Variants in PLPPR5 observed in about 807,000 individuals in gnomAD.
The protein encoded by PLPPR5 is phospholipid phosphatase-related protein type 5.
In PLPPR5, 16 loss-of-function variants were observed where a neutral mutation model predicts 33.9. The observed-to-expected ratio is 0.47, with a 90% CI of 0.32 to 0.72. PLPPR5 has a LOEUF of 0.72. Ranked by LOEUF, PLPPR5 falls within the 30% of genes least tolerant of loss-of-function variation. PLPPR5 has a pLI of 0.03. For missense variants in PLPPR5, 301 were observed against 406.7 expected, an observed-to-expected ratio of 0.74 and a Z score of 2.23; for synonymous variants, 163 against 150.3, an observed-to-expected ratio of 1.08 and a Z score of -0.62.
intron 1 of PLPPR5, among the ~76,000 whole-genome samples, chr1:98,956,989 T>G (rs1038273201): frequency 6.6e-6 from 1 of 151,946 alleles, no homozygotes; most frequent in Non-Finnish European, 1.5e-5. Flanking sequence ...ATATACACCA[T>G]GGAATACTAT....
chr1:98,999,923 G>A (rs924059359), intron 1 of PLPPR5, among the ~76,000 whole-genome samples: 3 of 152,162 alleles, frequency 2.0e-5, no homozygotes, highest in Non-Finnish European at 4.4e-5. Flanking sequence ...CTTGGTTGGT[G>A]CTGGTTTTCT....
rs1169428867 is a variant in PLPPR5 at position 98,891,746 on chromosome 1, A to G, written c.*1326T>C. ...GTTCATTCTTAAAACATAAACATTTAAAATACAGCAGAGCTTTCATATTTG... is the reference window on the plus strand; with the variant it reads ...GTTCATTCTTAAAACATAAACATTTGAAATACAGCAGAGCTTTCATATTTG... On this transcript the variant is annotated 3_prime_UTR_variant, in exon 6 of 6. Transcript: ENST00000263177. 6.6e-6 allele frequency: 1 copy of G among 152,144 alleles called. No homozygotes were observed. The highest frequency in any genetic ancestry group is 1.5e-5 in the Non-Finnish European group (1 of 68,020). 9.4% of individuals were successfully genotyped at this position (152,144 alleles called of 1,614,324 possible). A position where few individuals can be genotyped will look rare whatever the true frequency, so the allele number is the denominator to read the frequency against.
intron 4 of PLPPR5, among the ~76,000 whole-genome samples, chr1:98,917,887 G>A (rs998763235): frequency 6.6e-6 from 1 of 152,046 alleles, no homozygotes; most frequent in African/African-American, 2.4e-5. Flanking sequence ...TCACAGTGAG[G>A]GATCAGATTA....
At chr1:98,932,988 A>G (rs943083676) in intron 3 of PLPPR5, among the ~76,000 whole-genome samples, 4 of 152,136 alleles carry the variant, frequency 2.6e-5, no homozygotes, top group African/African-American at 7.2e-5. Context: ...GGGTAATATG[A>G]TCTATGTACC....
chr1:98,938,420 CAAA>C (rs544492984), intron 3 of PLPPR5, among the ~76,000 whole-genome samples: 2 of 80,758 alleles, frequency 2.5e-5, no homozygotes, highest in Non-Finnish European at 2.8e-5. Flanking sequence ...AAGATCGTCT[CAAA>C]AAAAAAAAAA....
At chr1:98,982,382 C>T (rs1376697137) in intron 1 of PLPPR5, among the ~76,000 whole-genome samples, 4 of 151,982 alleles carry the variant, frequency 2.6e-5, no homozygotes, top group Non-Finnish European at 5.9e-5. Context: ...TCTGACCTTC[C>T]AAGAAATCAG....
chr1:98,946,206 A>G (rs1247467179), intron 3 of PLPPR5, among the ~76,000 whole-genome samples: 1 of 152,052 alleles, frequency 6.6e-6, no homozygotes, highest in Admixed American at 6.6e-5. Flanking sequence ...TTCAATTTTA[A>G]TTCTCTCTTT....
intron 3 of PLPPR5, among the ~76,000 whole-genome samples, chr1:98,922,357 T>C (rs1246726453): frequency 2.0e-5 from 3 of 152,220 alleles, no homozygotes; most frequent in Non-Finnish European, 2.9e-5. Context: ...CTTTTTTTCT[T>C]TTTATTCTTA....
intron 1 of PLPPR5, among the ~76,000 whole-genome samples, chr1:98,967,581 T>C (rs190569691): frequency 6.6e-6 from 1 of 152,060 alleles, no homozygotes; most frequent in Admixed American, 6.6e-5. Context: ...CCAATCTTTT[T>C]CAGCCTCTTA....
At chr1:98,939,007 A>G (rs188376800) in intron 3 of PLPPR5, among the ~76,000 whole-genome samples, 1 of 152,252 alleles carries the variant, frequency 6.6e-6, no homozygotes, top group African/African-American at 2.4e-5. Context: ...GAAGATCAGG[A>G]AAAACAACTA....
chr1:98,895,509 G>T (rs1269296242), intron 5 of PLPPR5, among the ~76,000 whole-genome samples: 1 of 151,956 alleles, frequency 6.6e-6, no homozygotes, highest in Non-Finnish European at 1.5e-5. Flanking sequence ...CTGGAATTCA[G>T]TCTTGGCATT....
intron 1 of PLPPR5, among the ~76,000 whole-genome samples, chr1:98,957,389 T>C (rs1359159008): frequency 6.6e-6 from 1 of 151,546 alleles, no homozygotes; most frequent in Non-Finnish European, 1.5e-5. Context: ...TAGACAACAT[T>C]TTTGTTTCCT....
intron 3 of PLPPR5, among the ~76,000 whole-genome samples, chr1:98,929,245 T>C (rs984314374): frequency 2.6e-5 from 4 of 152,242 alleles, no homozygotes; most frequent in African/African-American, 7.2e-5. Flanking sequence ...GTAAGTTTCA[T>C]TGCCGTCACA....
At chr1:98,969,035 G>A (rs1318359355) in intron 1 of PLPPR5, among the ~76,000 whole-genome samples, 1 of 152,066 alleles carries the variant, frequency 6.6e-6, no homozygotes, top group Non-Finnish European at 1.5e-5. Flanking sequence ...TTCCCTGTAT[G>A]AACCAAAAGC....
chr1:98,942,157 TG>T (rs1650397867), intron 3 of PLPPR5, among the ~76,000 whole-genome samples: 1 of 152,062 alleles, frequency 6.6e-6, no homozygotes, highest in Non-Finnish European at 1.5e-5. Flanking sequence ...CTGCAACCTC[TG>T]CCTCCTGAAT....
At chr1:98,960,437 C>T (rs937145686) in intron 1 of PLPPR5, among the ~76,000 whole-genome samples, 47 of 152,286 alleles carry the variant, frequency 3.1e-4, no homozygotes, top group African/African-American at 1.1e-3. Context: ...TTCCTCACCT[C>T]AGGTGATCCA....
chr1:98,921,643 T>C (rs1649557120), intron 4 of PLPPR5, among the ~76,000 whole-genome samples: 1 of 152,232 alleles, frequency 6.6e-6, no homozygotes, highest in South Asian at 2.1e-4. Context: ...TGAAAATATA[T>C]TGTTCAACTT....
intron 4 of PLPPR5, among the ~76,000 whole-genome samples, chr1:98,921,422 C>T (rs1041055115): frequency 7.2e-5 from 11 of 152,216 alleles, no homozygotes; most frequent in East Asian, 3.9e-4. Context: ...CACTAGGGGA[C>T]TTTGGGATTC....
intron 3 of PLPPR5, among the ~76,000 whole-genome samples, chr1:98,930,575 T>C (rs1366821900): frequency 6.6e-6 from 1 of 152,148 alleles, no homozygotes; most frequent in Non-Finnish European, 1.5e-5. Context: ...TTGCAGCACA[T>C]TATAGGTTTG....
Sources: allele counts gnomAD v4.1 joint callset (sites outside exome capture counted in the v4.1 genomes callset), GRCh38; gene constraint gnomAD v4.1.1; transcripts MANE v1.5; gene names NCBI Gene and HGNC (gene_info 2026-07-23, HGNC 2026-07-21).